Variants in LRGUK observed in about 807,000 individuals in gnomAD.
LRGUK encodes the protein leucine-rich repeat and guanylate kinase domain-containing protein.
LRGUK carries 65 observed loss-of-function variants against 76.0 expected under a neutral mutation model. That is an observed-to-expected ratio of 0.85 (90% CI 0.70 to 1.05). LRGUK has a LOEUF of 1.05. LRGUK is among the 50% of genes least tolerant of loss of function. The probability of loss-of-function intolerance (pLI) is 0.00; values close to 1 mark genes in which losing one functional copy is unlikely to be tolerated. For missense variants in LRGUK, 758 were observed against 732.8 expected, an observed-to-expected ratio of 1.03 and a Z score of -0.40; for synonymous variants, 268 against 265.6, an observed-to-expected ratio of 1.01 and a Z score of -0.09.
chr7:134,195,356 T>A (rs150594304), intron 12 of LRGUK, among the ~76,000 whole-genome samples: 3,211 of 152,298 alleles, frequency 0.021, 116 homozygotes, highest in African/African-American at 0.068. Flanking sequence ...GCTGTTATCA[T>A]CTTTGTTTTA....
chr7:134,238,685 A>C (rs1802068140), intron 16 of LRGUK, among the ~76,000 whole-genome samples: 1 of 152,024 alleles, frequency 6.6e-6, no homozygotes. Context: ...AGTAGATTGC[A>C]GATTTTTTTT....
chr7:134,220,009 A>G (rs75051090), intron 15 of LRGUK, among the ~76,000 whole-genome samples: 4,796 of 152,188 alleles, frequency 0.032, 225 homozygotes, highest in African/African-American at 0.1. Context: ...TCCGACTCCA[A>G]TATTAGAATG....
chr7:134,270,255 A>G, the LRGUK span, among the ~76,000 whole-genome samples: 1 of 152,346 alleles, frequency 6.6e-6, no homozygotes, highest in Admixed American at 6.5e-5. Flanking sequence ...ATTGATACAA[A>G]AAATCAATTG....
At chr7:134,222,463 A>C (rs747377146) in intron 16 of LRGUK, among the ~76,000 whole-genome samples, 1 of 152,198 alleles carries the variant, frequency 6.6e-6, no homozygotes, top group Non-Finnish European at 1.5e-5. Context: ...TCCATCTGTA[A>C]TCATTTTTAT....
At chr7:134,156,111 T>C (rs1380287443) in intron 5 of LRGUK, among the ~76,000 whole-genome samples, 1 of 152,246 alleles carries the variant, frequency 6.6e-6, no homozygotes, top group Admixed American at 6.5e-5. Context: ...CAAAACCTTT[T>C]ACTTTAAAGT....
chr7:134,251,403 C>T (rs550006374), intron 18 of LRGUK, among the ~76,000 whole-genome samples: 18 of 152,312 alleles, frequency 1.2e-4, no homozygotes, highest in Non-Finnish European at 2.2e-4. Flanking sequence ...ACAATTCTCC[C>T]TCACAGACCC....
intron 5 of LRGUK, among the ~76,000 whole-genome samples, chr7:134,151,636 CA>C (rs916633910): frequency 1.6e-4 from 24 of 152,044 alleles, no homozygotes; most frequent in Middle Eastern, 3.4e-3. Flanking sequence ...AAGTCCTAAA[CA>C]AAATATTAGC....
chr7:134,267,671 A>C (rs569326566), downstream of LRGUK, among the ~76,000 whole-genome samples: 5 of 152,224 alleles, frequency 3.3e-5, no homozygotes, highest in South Asian at 1.0e-3. Context: ...GCCTTCTGCC[A>C]TGATTGTGAG....
intron 6 of LRGUK, among the ~76,000 whole-genome samples, chr7:134,162,997 TAGTC>T (rs754421033): frequency 2.4e-4 from 36 of 152,184 alleles, no homozygotes; most frequent in Non-Finnish European, 5.1e-4. Flanking sequence ...GGGATTATAA[TAGTC>T]AAGTGGCTTC....
rs1801653541 is a variant in LRGUK, at chr7:134,223,437, A to C, written c.1983+1519A>C. 2.0e-5 allele frequency among the ~76,000 whole-genome samples: 3 copies of C among 152,238 alleles called. No individual in the cohort carries two copies. The South Asian group carries it at 6.2e-4, about 32-fold the overall frequency. On this transcript the variant is annotated intron_variant, in intron 16 of 19. Coordinates refer to the LRGUK transcript ENST00000285928. ...CGGCTTCTCAGAGGCAGCAGGGGGT[A>C]GGTGGGTGCCCACTAAACATCTATA... is the stretch of plus-strand genomic sequence containing the variant.
intron 16 of LRGUK, among the ~76,000 whole-genome samples, chr7:134,229,594 T>C (rs1241961691): frequency 6.6e-6 from 1 of 152,208 alleles, no homozygotes; most frequent in Non-Finnish European, 1.5e-5. Context: ...CAAATGTCTG[T>C]TTTCTTCAAA....
In LRGUK at chr7:134,178,413, A is replaced by T. The variant is rs73439483; in HGVS notation, c.1108-90A>T. On this transcript the variant is annotated intron_variant, in intron 9 of 15. Transcript: ENST00000645682. ...TATTTTGTGTACCTGGCTGCACGTG[A>T]ACAACATTTCATTAAGGAAAAATCC... The T allele has an allele frequency of 3.1e-3, 2,786 of 896,546 alleles. 60 individuals are homozygous for T. In the African/African-American group the frequency reaches 0.039, roughly 12 times the overall value. The allele number at this position is 896,546 out of a possible 1,614,324, so 55.5% of individuals were successfully genotyped here.
rs189860260 is a variant in LRGUK, at chr7:134,174,702, T to C, written c.1020+66T>C. 6.8e-5 allele frequency: 59 copies of C among 862,014 alleles called. No homozygotes were observed. The African/African-American group carries it at 7.7e-4, about 11-fold the overall frequency. 53.4% of individuals were successfully genotyped at this position (862,014 alleles called of 1,614,324 possible). ...AGTGGGATGGTGGAGGGAAACTATCTAGGAATTCTTCAAGAAGTACTTTTG... is the reference window on the plus strand; with the variant it reads ...AGTGGGATGGTGGAGGGAAACTATCCAGGAATTCTTCAAGAAGTACTTTTG... On this transcript the variant is annotated intron_variant, in intron 8 of 15. Coordinates refer to ENST00000645682, the Ensembl canonical transcript of LRGUK.
chr7:134,165,160 T>A, intron 7 of LRGUK, among the ~76,000 whole-genome samples: 1 of 152,150 alleles, frequency 6.6e-6, no homozygotes, highest in East Asian at 1.9e-4. Context: ...ATAATAACAA[T>A]TCAGGTCATA....
intron 16 of LRGUK, among the ~76,000 whole-genome samples, chr7:134,222,584 GT>G (rs1217791800): frequency 6.6e-6 from 1 of 151,550 alleles, no homozygotes; most frequent in Non-Finnish European, 1.5e-5. Context: ...AGGCTAGCCT[GT>G]TTTTGTTTGT....
At chr7:134,258,853 G>A (rs753530806) in intron 19 of LRGUK, among the ~76,000 whole-genome samples, 31 of 152,072 alleles carry the variant, frequency 2.0e-4, no homozygotes, top group Admixed American at 1.1e-3. Flanking sequence ...CTAAGGTAGC[G>A]TGTTATTTTG....
chr7:134,257,491 A>G (rs1273006231), intron 18 of LRGUK, among the ~76,000 whole-genome samples: 1 of 152,164 alleles, frequency 6.6e-6, no homozygotes, highest in African/African-American at 2.4e-5. Flanking sequence ...ATGCCCAATC[A>G]TACCTGAACA....
In LRGUK at chr7:134,248,935, A is replaced by G. The variant is rs553666851; in HGVS notation, c.2073-16A>G. The G allele has an allele frequency of 2.2e-6, 3 of 1,342,114 alleles. No homozygotes were observed. Among genetic ancestry groups the G allele is most frequent in the Admixed American group, 3.0e-5 (1 of 32,926 alleles). 83.1% of individuals were successfully genotyped at this position (1,342,114 alleles called of 1,614,324 possible). A position where few individuals can be genotyped will look rare whatever the true frequency, so the allele number is the denominator to read the frequency against. On this transcript the variant is annotated splice_polypyrimidine_tract_variant and intron_variant, in intron 17 of 19. Transcript: ENST00000285928. The stretch of plus-strand genomic sequence containing the variant: ...AATCCTTTGGTTTTTTTTTTTTTTT[A>G]AATTTCCCATTCCAGGGGTCCAGTA...
Position 134,147,495 on chromosome 7 carries a change from G to A in LRGUK, c.589-743G>A, listed in dbSNP as rs183168808. On this transcript the variant is annotated intron_variant, in intron 4 of 15. Transcript: ENST00000645682. ...AGCATGGGACAATATATGGAAATAGGAATAGAAAGGTAAAGGAACAGGAAA... is the reference window on the plus strand; with the variant it reads ...AGCATGGGACAATATATGGAAATAGAAATAGAAAGGTAAAGGAACAGGAAA... Among the ~76,000 whole-genome samples the A allele has an allele frequency of 1.4e-4, 22 of 151,930 alleles. No homozygotes were observed. The East Asian group carries it at 3.5e-3, about 24-fold the overall frequency.
Sources: gnomAD v4.1 joint callset for allele counts (sites outside exome capture counted in the v4.1 genomes callset) on GRCh38, gnomAD v4.1.1 for gene constraint, MANE v1.5 for transcripts, NCBI Gene and HGNC (gene_info 2026-07-23, HGNC 2026-07-21) for gene names.